NTN4: variants seen among roughly 807,000 people sequenced by gnomAD.
NTN4 encodes the protein netrin-4.
In NTN4, 32 loss-of-function variants were observed where a neutral mutation model predicts 73.6. That is an observed-to-expected ratio of 0.44 (90% confidence interval 0.33 to 0.58). The LOEUF (loss-of-function observed/expected upper bound fraction) is 0.58, where lower values mean the gene tolerates loss of function less well. Among genes scored for constraint, NTN4 ranks in the 20% least tolerant of loss-of-function variants. The probability of loss-of-function intolerance (pLI) is 0.04; values close to 1 mark genes in which losing one functional copy is unlikely to be tolerated. For synonymous variants in NTN4, 258 were observed against 287.5 expected, an observed-to-expected ratio of 0.90 and a Z score of 1.04; for missense variants, 654 against 798.3, an observed-to-expected ratio of 0.82 and a Z score of 2.18.
chr12:95,744,060 C>T (rs1413608275), intron 2 of NTN4, among the ~76,000 whole-genome samples: 1 of 152,114 alleles, frequency 6.6e-6, no homozygotes, highest in Non-Finnish European at 1.5e-5. Flanking sequence ...TGCCACCACG[C>T]CCGGCTAATT....
At chr12:95,713,153 T>A in intron 4 of NTN4, 59 bp downstream of exon 4, 1 of 1,574,506 alleles carries the variant, frequency 6.4e-7, no homozygotes, top group East Asian at 2.3e-5. Context: ...CAACAAGGAG[T>A]CCACAGATGC....
chr12:95,675,259 T>C (rs915291269), intron 7 of NTN4, among the ~76,000 whole-genome samples: 1 of 152,192 alleles, frequency 6.6e-6, no homozygotes, highest in Admixed American at 6.5e-5. Context: ...GAGATTATGT[T>C]AAGTGAAAAA....
At chr12:95,760,798 A>T (rs1474732169) in intron 2 of NTN4, among the ~76,000 whole-genome samples, 1 of 152,028 alleles carries the variant, frequency 6.6e-6, no homozygotes, top group Non-Finnish European at 1.5e-5. Context: ...CTCATTTCAA[A>T]CTGATAAGTT....
At chr12:95,755,214 C>T (rs534055118) in intron 2 of NTN4, among the ~76,000 whole-genome samples, 6 of 152,180 alleles carry the variant, frequency 3.9e-5, no homozygotes, top group Non-Finnish European at 8.8e-5. Context: ...TTTCTGGCAT[C>T]GCCTAAGTTG....
chr12:95,690,339 GTC>G (rs2121016482), intron 5 of NTN4, among the ~76,000 whole-genome samples: 1 of 152,282 alleles, frequency 6.6e-6, no homozygotes, highest in South Asian at 2.1e-4. Context: ...GAATAAAACA[GTC>G]TTGGTCCTTA....
chr12:95,786,932 C>A lies in NTN4; in HGVS notation c.585+7G>T. On this transcript the variant is annotated splice_region_variant and intron_variant, in intron 2 of 9. Coordinates refer to ENST00000343702, the MANE Select transcript of NTN4 (RefSeq NM_021229.4). The stretch of plus-strand genomic sequence containing the variant: ...CTTACAGTGTAGAGTTAAACAGGTG[C>A]CCTTACCTCTCCTCCAGTGCATGGA... 1 of 1,611,640 alleles carries A rather than the reference C, an allele frequency of 6.2e-7. No homozygotes were observed. Among genetic ancestry groups the A allele is most frequent in the Non-Finnish European group, 8.5e-7 (1 of 1,178,174 alleles).
intron 7 of NTN4, chr12:95,672,294 A>C: frequency 1.3e-6 from 1 of 768,522 alleles, no homozygotes; most frequent in South Asian, 1.4e-5. Flanking sequence ...CTGCCTCCCA[A>C]GCCCGCCGCC....
At chr12:95,749,817 G>A (rs1348398846) in intron 2 of NTN4, among the ~76,000 whole-genome samples, 1 of 149,920 alleles carries the variant, frequency 6.7e-6, no homozygotes, top group Non-Finnish European at 1.5e-5. Context: ...GGAGGGGCAA[G>A]TACCCCTCAA....
rs542944262 is a variant in NTN4, at chr12:95,773,281, G to C, written c.585+13658C>G. On this transcript the variant is annotated intron_variant, in intron 2 of 9. Transcript: ENST00000343702. Reference sequence around the variant, plus strand: ...GGCCTCCCAAGGTGCTAGGATTATAGGCATGAGCCACCATGCCTGGCCTCC... The same window carrying C: ...GGCCTCCCAAGGTGCTAGGATTATACGCATGAGCCACCATGCCTGGCCTCC... Among the ~76,000 whole-genome samples the C allele has an allele frequency of 2.6e-5, 4 of 152,260 alleles. No individual in the cohort carries two copies. The East Asian group carries it at 7.7e-4, about 29-fold the overall frequency.
intron 3 of NTN4, among the ~76,000 whole-genome samples, chr12:95,731,069 A>C (rs11108221): frequency 0.54 from 82,512 of 152,044 alleles, 26,027 homozygotes; most frequent in Non-Finnish European, 0.72. Context: ...AGAATATCCA[A>C]AGTTTTTGCT....
At chr12:95,768,104 C>T (rs1349321767) in intron 2 of NTN4, among the ~76,000 whole-genome samples, 1 of 152,154 alleles carries the variant, frequency 6.6e-6, no homozygotes, top group Admixed American at 6.5e-5. Flanking sequence ...AGTTGGTTTA[C>T]TTGAGCAATA....
intron 2 of NTN4, among the ~76,000 whole-genome samples, chr12:95,749,670 G>A (rs373116809): frequency 1.7e-4 from 26 of 152,318 alleles, no homozygotes; most frequent in African/African-American, 6.0e-4. Context: ...ATACACCCAC[G>A]TTTCAAAGGT....
chr12:95,686,418 G>C (rs11108197), intron 5 of NTN4, among the ~76,000 whole-genome samples: 1 of 152,068 alleles, frequency 6.6e-6, no homozygotes, highest in Non-Finnish European at 1.5e-5. Flanking sequence ...ATCATTTAGC[G>C]ATCTGAGCCA....
chr12:95,688,404 C>G (rs1044788027), intron 5 of NTN4, among the ~76,000 whole-genome samples: 31 of 152,146 alleles, frequency 2.0e-4, no homozygotes, highest in African/African-American at 6.0e-4. Context: ...TGACATTATT[C>G]ACAAAGATCT....
chr12:95,699,020 G>T (rs534201427), intron 5 of NTN4, among the ~76,000 whole-genome samples: 3 of 112,910 alleles, frequency 2.7e-5, no homozygotes, highest in Admixed American at 9.3e-5. Context: ...TTTACTTCTT[G>T]GATTAAAAAA....
At chr12:95,719,477 G>A (rs2121111417) in intron 3 of NTN4, among the ~76,000 whole-genome samples, 1 of 152,184 alleles carries the variant, frequency 6.6e-6, no homozygotes, top group South Asian at 2.1e-4. Flanking sequence ...AAATGTGAAG[G>A]CAAAAACTGA....
intron 8 of NTN4, among the ~76,000 whole-genome samples, chr12:95,667,313 C>T (rs1158241334): frequency 6.6e-6 from 1 of 151,724 alleles, no homozygotes; most frequent in African/African-American, 2.4e-5. Flanking sequence ...GCCTCAGCCT[C>T]CCGAGTAGCT....
intron 2 of NTN4, among the ~76,000 whole-genome samples, chr12:95,747,709 G>T (rs568256860): frequency 6.6e-6 from 1 of 152,144 alleles, no homozygotes; most frequent in African/African-American, 2.4e-5. Flanking sequence ...GTTACTGAAT[G>T]AGTGAATCTG....
At position 95,790,200 on chromosome 12, in the gene NTN4, T is replaced by C. The variant is rs554537104; in HGVS notation, c.55+55A>G. On this transcript the variant is annotated intron_variant, in intron 1 of 9. Coordinates refer to ENST00000343702, the MANE Select transcript of NTN4 (RefSeq NM_021229.4). The surrounding 1 kb of genome is among the most constrained non-coding windows in gnomAD (Gnocchi z 6.5). ...TCCCCTGCACCCCCGAGTCCCGAGA[T>C]GGGTTAGAGAAGCAGCGAGGGAAGG... The C allele has an allele frequency of 8.8e-6, 13 of 1,469,560 alleles. No homozygotes were observed. The highest frequency in any genetic ancestry group is 1.7e-4 in the Middle Eastern group (1 of 5,780). The allele number at this position is 1,469,560 out of a possible 1,614,324, so 91.0% of individuals were successfully genotyped here.
Sources: gnomAD v4.1 joint callset for allele counts (sites outside exome capture counted in the v4.1 genomes callset) on GRCh38, gnomAD v4.1.1 for gene constraint, Gnocchi (gnomAD v3.1) non-coding constraint, MANE v1.5 for transcripts, NCBI Gene and HGNC (gene_info 2026-07-23, HGNC 2026-07-21) for gene names.